Variants in SPATA13 observed in about 807,000 individuals in gnomAD.
SPATA13 encodes spermatogenesis associated 13, also known as spermatogenesis-associated protein 13.
A neutral mutation model predicts 104.0 loss-of-function variants in SPATA13; 50 were observed. The ratio of observed to expected loss-of-function variants is 0.48; its 90% CI spans 0.38 to 0.61. SPATA13 has a LOEUF of 0.61. Among genes scored for constraint, SPATA13 ranks in the 20% least tolerant of loss-of-function variants. The probability of loss-of-function intolerance (pLI) is 0.00; values close to 1 mark genes in which losing one functional copy is unlikely to be tolerated. For synonymous variants in SPATA13, 606 were observed against 667.5 expected (o/e 0.91, Z 1.42); for missense variants, 1,524 against 1,690.6 (o/e 0.90, Z 1.73).
At chr13:24,132,301 G>A (rs1566115402) in intron 3 of SPATA13, among the ~76,000 whole-genome samples, 1 of 152,362 alleles carries the variant, frequency 6.6e-6, no homozygotes, top group Non-Finnish European at 1.5e-5. Context: ...TAGGAGAACA[G>A]TGAACCTCTA....
chr13:24,037,239 A>G (rs950248262), intron 3 of SPATA13, among the ~76,000 whole-genome samples: 3 of 148,988 alleles, frequency 2.0e-5, no homozygotes, highest in African/African-American at 4.9e-5. Context: ...GCATTAGGAG[A>G]TATACCTAAT....
intron 1 of SPATA13, among the ~76,000 whole-genome samples, chr13:24,173,955 G>A (rs1458776362): frequency 1.3e-5 from 2 of 152,154 alleles, no homozygotes; most frequent in African/African-American, 2.4e-5. Context: ...TCAGGTTTTG[G>A]TACCAGGGAA....
At chr13:24,166,766 A>G (rs919846906) in intron 1 of SPATA13, among the ~76,000 whole-genome samples, 6 of 152,246 alleles carry the variant, frequency 3.9e-5, no homozygotes, top group Non-Finnish European at 8.8e-5. Flanking sequence ...GAGGCTCTGA[A>G]CAGCTACTCT....
rs567808134 is a variant in SPATA13, at chr13:24,069,513, C to G, written c.-112+51812C>G. 7.9e-5 allele frequency among the ~76,000 whole-genome samples: 12 copies of G among 152,240 alleles called. No homozygotes were observed. The South Asian group carries it at 1.9e-3, about 24-fold the overall frequency. On this transcript the variant is annotated intron_variant, in intron 3 of 14. Coordinates refer to the SPATA13 transcript ENST00000424834. ...TGAAGTTGTTTATCAGGTTAAGAAG[C>G]TTTTGGTCTGAGATTGGGTTTCCTA...
intron 3 of SPATA13, among the ~76,000 whole-genome samples, chr13:24,020,974 G>A (rs1026580452): frequency 2.3e-4 from 35 of 152,182 alleles, no homozygotes; most frequent in African/African-American, 8.2e-4. Context: ...CCAGGAGGCG[G>A]TGGTTGCACA....
chr13:24,267,714 T>C (rs1017585060), intron 4 of SPATA13, among the ~76,000 whole-genome samples: 4 of 152,266 alleles, frequency 2.6e-5, no homozygotes, highest in Non-Finnish European at 4.4e-5. Context: ...AATTAATTCC[T>C]ACTTTCTGCT....
chr13:24,110,464 C>T (rs1355297364), intron 3 of SPATA13, among the ~76,000 whole-genome samples: 1 of 152,208 alleles, frequency 6.6e-6, no homozygotes, highest in Non-Finnish European at 1.5e-5. Context: ...CAACTCCAAA[C>T]CCCTTGACTC....
intron 4 of SPATA13, among the ~76,000 whole-genome samples, chr13:24,264,565 G>A (rs540351847): frequency 1.3e-5 from 2 of 152,314 alleles, no homozygotes; most frequent in South Asian, 4.1e-4. Flanking sequence ...ACACAATATT[G>A]TCTAATTGAT....
At chr13:24,121,633 CA>C (rs995678992) in intron 3 of SPATA13, among the ~76,000 whole-genome samples, 2 of 152,110 alleles carry the variant, frequency 1.3e-5, no homozygotes, top group African/African-American at 4.8e-5. Flanking sequence ...AGAAATTGGA[CA>C]AATGCTCATA....
chr13:24,014,804 T>C (rs1012292693), intron 2 of SPATA13, among the ~76,000 whole-genome samples: 4 of 152,186 alleles, frequency 2.6e-5, no homozygotes, highest in African/African-American at 7.2e-5. Flanking sequence ...AGTTCCTGTC[T>C]TCTCCCTTTT....
intron 2 of SPATA13, among the ~76,000 whole-genome samples, chr13:23,991,831 T>C (rs1229988497): frequency 6.6e-6 from 1 of 152,046 alleles, no homozygotes; most frequent in African/African-American, 2.4e-5. Flanking sequence ...TGGGTTGCTT[T>C]CTGTATTGTT....
intron 4 of SPATA13, chr13:24,278,640 T>C: frequency 6.7e-7 from 1 of 1,484,246 alleles, no homozygotes; most frequent in Non-Finnish European, 8.9e-7. Context: ...ATCATTCCAC[T>C]TGAGGCTCAA....
At chr13:24,072,029 A>G (rs1879179515) in intron 3 of SPATA13, among the ~76,000 whole-genome samples, 1 of 152,144 alleles carries the variant, frequency 6.6e-6, no homozygotes, top group Non-Finnish European at 1.5e-5. Flanking sequence ...CCGTCTTCTC[A>G]TTTTTGTAGA....
intron 1 of SPATA13, among the ~76,000 whole-genome samples, chr13:24,163,913 C>G (rs1290451654): frequency 6.6e-6 from 1 of 152,176 alleles, no homozygotes; most frequent in Non-Finnish European, 1.5e-5. Context: ...GGGAACTCAT[C>G]AGTGCTTTCC....
intron 1 of SPATA13, among the ~76,000 whole-genome samples, chr13:24,212,007 G>A (rs763146555): frequency 2.0e-5 from 3 of 152,246 alleles, no homozygotes; most frequent in African/African-American, 7.2e-5. Context: ...TCAGCTGTTC[G>A]CCATTCCCCT....
intron 2 of SPATA13, among the ~76,000 whole-genome samples, chr13:24,238,261 A>T (rs1872673786): frequency 6.7e-6 from 1 of 148,538 alleles, no homozygotes; most frequent in Non-Finnish European, 1.5e-5. Flanking sequence ...GGTTCAAGCG[A>T]TTCTTGTGCC....
intron 1 of SPATA13, among the ~76,000 whole-genome samples, chr13:23,980,257 G>A (rs1008478912): frequency 6.6e-6 from 1 of 152,244 alleles, no homozygotes; most frequent in Non-Finnish European, 1.5e-5. Context: ...GGGGCGCCGG[G>A]GCAGTAGTTG....
In SPATA13 at chr13:24,286,886, A is replaced by G. The variant is rs568317408; in HGVS notation, c.2603A>G (p.Asn868Ser). The change falls in exon 7 of 13, where the codon AAC (asparagine) becomes AGC (serine). Residue 868 changes from asparagine (N) to serine (S), a missense_variant. Around this residue, in one of 2 missense-constraint regions of SPATA13, gnomAD observed 435 missense variants for 554.8 expected, o/e 0.78. Coordinates refer to ENST00000382108, the MANE Select transcript of SPATA13 (RefSeq NM_001166271.3). This position sits in a 1 kb window ranked among gnomAD's most constrained non-coding sequence, Gnocchi z 4.9. ...HCENKQQMRT[N>S]VIREIMDTER... Reference sequence around the variant, plus strand: ...GAGAACAAGCAGCAGATGCGGACCAACGTCATCCGGGAGATCATGGACACC... The same window carrying G: ...GAGAACAAGCAGCAGATGCGGACCAGCGTCATCCGGGAGATCATGGACACC... 5.3e-5 allele frequency: 85 copies of G among 1,613,884 alleles called. No homozygotes were observed. Among genetic ancestry groups the G allele is most frequent in the Admixed American group, 2.0e-4 (12 of 60,012 alleles).
At chr13:24,113,799 G>A (rs1880729135) in intron 3 of SPATA13, among the ~76,000 whole-genome samples, 1 of 145,188 alleles carries the variant, frequency 6.9e-6, no homozygotes, top group Admixed American at 7.0e-5. Context: ...GAACCAGGGA[G>A]TTGGAGGGTA....
Sources: allele counts gnomAD v4.1 joint callset (sites outside exome capture counted in the v4.1 genomes callset), GRCh38; gene constraint gnomAD v4.1.1; regional missense constraint gnomAD v4.1.1; non-coding constraint Gnocchi (gnomAD v3.1); transcripts MANE v1.5; gene names NCBI Gene and HGNC (gene_info 2026-07-23, HGNC 2026-07-21).